The following PHF8 variants were observed in gnomAD, a reference collection of about 807,000 sequenced individuals.
The protein encoded by PHF8 is histone lysine demethylase PHF8.
In PHF8, 9 loss-of-function variants were observed where a neutral mutation model predicts 74.4. The observed-to-expected ratio is 0.12, with a 90% CI of 0.07 to 0.21. The LOEUF (loss-of-function observed/expected upper bound fraction) is 0.21, where lower values mean the gene tolerates loss of function less well. Among genes scored for constraint, PHF8 ranks in the 10% least tolerant of loss-of-function variants. PHF8 has a pLI of 1.00. For synonymous variants in PHF8, 311 were observed against 316.6 expected (o/e 0.98, Z 0.19); for missense variants, 478 against 816.6 (o/e 0.59, Z 5.05).
upstream of PHF8, among the ~76,000 whole-genome samples, chrX:54,048,311 C>T (rs910187301): frequency 6.3e-5 from 7 of 111,341 alleles, no homozygotes; most frequent in African/African-American, 9.8e-5. Context: ...AGGGAATAGA[C>T]GATCTAATAA....
chrX:54,044,600 G>A (rs2066616128), upstream of PHF8: 1 of 170,322 alleles, frequency 5.9e-6, no homozygotes, highest in African/African-American at 3.1e-5. Context: ...GTCTCTTTAA[G>A]GTGCCCAATC....
chrX:54,008,092 G>A (rs1237607863), intron 8 of PHF8, among the ~76,000 whole-genome samples: 1 of 111,886 alleles, frequency 8.9e-6, no homozygotes, highest in African/African-American at 3.2e-5. Flanking sequence ...CGAAGTGGTC[G>A]GCGCAGTGGC....
chrX:53,971,356 T>C (rs1336558033), intron 18 of PHF8, among the ~76,000 whole-genome samples: 1 of 111,387 alleles, frequency 9.0e-6, no homozygotes, highest in Non-Finnish European at 1.9e-5. Context: ...AGGAAATTTA[T>C]AGCACTAAAT....
intron 2 of PHF8, among the ~76,000 whole-genome samples, chrX:54,024,958 G>A (rs2066242989): frequency 9.0e-6 from 1 of 110,555 alleles, no homozygotes; most frequent in South Asian, 3.9e-4. Flanking sequence ...CTCACTGCAA[G>A]CTCTGCCTCC....
chrX:53,963,079 T>C (rs1302981603), intron 18 of PHF8, 140 bp from the exon 19 acceptor site: 1 of 501,768 alleles, frequency 2.0e-6, no homozygotes, highest in Non-Finnish European at 3.6e-6. Context: ...AGTCTCTGAA[T>C]GTACCACATA....
At chrX:54,008,820 A>G (rs2065935857) in intron 8 of PHF8, among the ~76,000 whole-genome samples, 1 of 112,162 alleles carries the variant, frequency 8.9e-6, no homozygotes, top group African/African-American at 3.2e-5. Context: ...AGGGGTTGTC[A>G]AGGGCTGGCA....
chrX:53,994,725 C>T (rs2065720891), intron 12 of PHF8, among the ~76,000 whole-genome samples: 1 of 112,130 alleles, frequency 8.9e-6, no homozygotes, highest in Non-Finnish European at 1.9e-5. Flanking sequence ...ACACTGTAAG[C>T]TATGGTGTAG....
At chrX:53,969,478 C>CA (rs1448850930) in intron 18 of PHF8, among the ~76,000 whole-genome samples, 1 of 111,304 alleles carries the variant, frequency 9.0e-6, no homozygotes, top group Non-Finnish European at 1.9e-5. Flanking sequence ...AGGGGACACA[C>CA]AAAAAATGGA....
chrX:54,030,758 C>G (rs2066342157), intron 2 of PHF8, among the ~76,000 whole-genome samples: 1 of 112,007 alleles, frequency 8.9e-6, no homozygotes, highest in Admixed American at 9.5e-5. Flanking sequence ...AACACAGAAG[C>G]AGAGGTTTAA....
intron 18 of PHF8, among the ~76,000 whole-genome samples, chrX:53,982,072 G>A (rs1306192901): frequency 8.0e-5 from 9 of 112,420 alleles, no homozygotes; most frequent in African/African-American, 2.3e-4. Flanking sequence ...AAAGTAGGGA[G>A]GCGAAGGAGG....
intron 16 of PHF8, among the ~76,000 whole-genome samples, chrX:53,986,222 C>CT (rs1467572863): frequency 4.4e-5 from 5 of 112,804 alleles, no homozygotes; most frequent in African/African-American, 1.6e-4. Context: ...ATCACATACT[C>CT]TTTCTGCTAC....
At chrX:54,044,493 G>A, upstream of PHF8, 1 of 664,743 alleles carries the variant, frequency 1.5e-6, no homozygotes, top group Non-Finnish European at 1.8e-6. Context: ...GCGGAGGCGG[G>A]GAACCGCGAG....
chrX:54,041,007 A>T (rs1224441212), intron 2 of PHF8, among the ~76,000 whole-genome samples: 1 of 112,091 alleles, frequency 8.9e-6, no homozygotes, highest in African/African-American at 3.2e-5. Context: ...GAATTTGGAT[A>T]CGGGGCAAGG....
intron 14 of PHF8, among the ~76,000 whole-genome samples, chrX:53,988,432 A>G (rs1183755293): frequency 3.6e-5 from 4 of 111,245 alleles, no homozygotes; most frequent in African/African-American, 1.3e-4. Flanking sequence ...TCATAGATCT[A>G]AATGTAAAAC....
At chrX:54,003,576 GA>G (rs2065856332) in intron 8 of PHF8, among the ~76,000 whole-genome samples, 1 of 111,665 alleles carries the variant, frequency 9.0e-6, no homozygotes, top group South Asian at 3.8e-4. Flanking sequence ...AGAATCACTT[GA>G]ACCCGGGAGG....
At chrX:54,009,845 A>G (rs374303720) in intron 8 of PHF8, among the ~76,000 whole-genome samples, 1,378 of 54,176 alleles carry the variant, frequency 0.025, 39 homozygotes, top group African/African-American at 0.14. Flanking sequence ...TCTGTCTCAG[A>G]AAAAAAAAAA....
rs186698129 is a variant in PHF8, at chrX:53,941,113, C to A, written c.2650-597G>T. ...TTATTAGTTTTGGAATGAGATAAAT[C>A]TGGTTCAAATCCAGGCTTGTGTCCC... is the stretch of plus-strand genomic sequence containing the variant. On this transcript the variant is annotated intron_variant, in intron 20 of 21. Transcript: ENST00000338154. 8.9e-5 allele frequency among the ~76,000 whole-genome samples: 10 copies of A among 112,210 alleles called. No homozygotes were observed. The East Asian group carries it at 2.0e-3, about 22-fold the overall frequency.
chrX:53,939,440 T>C (rs892501663), intron 21 of PHF8, among the ~76,000 whole-genome samples, 194 bp from the exon 22 acceptor site: 2 of 111,707 alleles, frequency 1.8e-5, no homozygotes, highest in Non-Finnish European at 3.8e-5. Context: ...CTTCCTCCTA[T>C]GACCTCCTGT....
In PHF8 at chrX:53,955,383, AC is replaced by A. The variant is rs782279323; in HGVS notation, c.2539+7460del. Among the ~76,000 whole-genome samples the A allele has an allele frequency of 2.7e-5, 3 of 109,596 alleles. No homozygotes were observed. In the South Asian group the frequency reaches 1.2e-3, roughly 43 times the overall value. On this transcript the variant is annotated intron_variant, in intron 19 of 21. Transcript: ENST00000338154. ...CATTAACCACCATGCTCAGCCCCATACCTGTGTTTTCTATATCGATTATACA... is the reference window on the plus strand; with the variant it reads ...CATTAACCACCATGCTCAGCCCCATACTGTGTTTTCTATATCGATTATACA...
Sources: gnomAD v4.1 joint callset for allele counts (sites outside exome capture counted in the v4.1 genomes callset) on GRCh38, gnomAD v4.1.1 for gene constraint, MANE v1.5 for transcripts, NCBI Gene and HGNC (gene_info 2026-07-23, HGNC 2026-07-21) for gene names.